CPOX: variants seen among roughly 807,000 people sequenced by gnomAD.
CPOX encodes oxygen-dependent coproporphyrinogen-III oxidase, mitochondrial.
Under a neutral mutation model 48.9 loss-of-function variants are expected in CPOX, and 24 were observed. The ratio of observed to expected loss-of-function variants is 0.49; its 90% CI spans 0.36 to 0.69. CPOX has a LOEUF of 0.69. CPOX is among the 30% of genes least tolerant of loss of function. The probability of loss-of-function intolerance (pLI) is 0.00; values close to 1 mark genes in which losing one functional copy is unlikely to be tolerated. For synonymous variants in CPOX, 249 were observed against 234.6 expected, an observed-to-expected ratio of 1.06 and a Z score of -0.56; for missense variants, 549 against 597.3, an observed-to-expected ratio of 0.92 and a Z score of 0.84.
At chr3:98,570,734 T>C in the CPOX span, among the ~76,000 whole-genome samples, 1 of 152,216 alleles carries the variant, frequency 6.6e-6, no homozygotes, top group African/African-American at 2.4e-5. Context: ...CCTATTAATA[T>C]ATTGAAATGT....
the CPOX span, among the ~76,000 whole-genome samples, chr3:98,570,740 A>G: frequency 1.4e-3 from 209 of 152,360 alleles, no homozygotes; most frequent in African/African-American, 4.8e-3. Context: ...AATATATTGA[A>G]ATGTTGAAAT....
chr3:98,581,581 A>T (rs1465679608), intron 5 of CPOX, 70 bp from the exon 6 acceptor site: 1 of 1,258,422 alleles, frequency 7.9e-7, no homozygotes. Context: ...CATAACAAAT[A>T]CTTAAAAAGG....
In CPOX at chr3:98,591,067, TGAAAGATTTCCATGAACAAC is replaced by T; in HGVS notation, c.625_644del (p.Val209ArgfsTer17). The T allele has an allele frequency of 6.2e-7, 1 of 1,614,176 alleles. No homozygotes were observed. The highest frequency in any genetic ancestry group is 8.5e-7 in the Non-Finnish European group (1 of 1,180,004). On this transcript the variant is annotated frameshift_variant, in exon 2 of 7. Transcript: ENST00000647941. LOFTEE classifies it high-confidence loss of function. ...TTCTCATTTGTTTTGCAGCTTCCTC[TGAAAGATTTCCATGAACAAC>T]AGAAATGCTCACCCCAGCCTTTTCG...
chr3:98,589,695 T>G (rs1459714063), intron 3 of CPOX: 1 of 152,240 alleles, frequency 6.6e-6, no homozygotes, highest in Non-Finnish European at 1.5e-5. Flanking sequence ...TGCTCACAGG[T>G]CCATGAGTTG....
At chr3:98,581,714 T>C (rs1179416882) in intron 5 of CPOX, among the ~76,000 whole-genome samples, 1 of 152,044 alleles carries the variant, frequency 6.6e-6, no homozygotes, top group Non-Finnish European at 1.5e-5. Context: ...CACCAAACAA[T>C]AGAATATAGA....
At chr3:98,590,453 TCTTA>T (rs1399061579) in intron 3 of CPOX, 175 bp downstream of exon 3, 1 of 661,926 alleles carries the variant, frequency 1.5e-6, no homozygotes, top group African/African-American at 1.8e-5. Flanking sequence ...CTGGCCCCAT[TCTTA>T]CTTGTCATGT....
intron 1 of CPOX, among the ~76,000 whole-genome samples, chr3:98,592,609 A>G (rs562202619): frequency 2.2e-4 from 34 of 152,234 alleles, no homozygotes; most frequent in African/African-American, 7.5e-4. Flanking sequence ...GTGTTCCATA[A>G]TCTATTGAAA....
chr3:98,572,192 A>T, the CPOX span, among the ~76,000 whole-genome samples: 3 of 152,004 alleles, frequency 2.0e-5, no homozygotes, highest in African/African-American at 7.3e-5. Context: ...TAGCTCCTGG[A>T]TTTTTTTCTC....
At chr3:98,580,860 G>GA in intron 6 of CPOX, 90 bp from the exon 7 acceptor site, 3 of 1,205,342 alleles carry the variant, frequency 2.5e-6, no homozygotes, top group Admixed American at 5.3e-5. Context: ...AAAATCCTAA[G>GA]AATAAAAAAA....
In CPOX at chr3:98,593,427, G is replaced by T; in HGVS notation, c.78C>A (p.Ala26=). The T allele has an allele frequency of 6.8e-7, 1 of 1,477,326 alleles. No individual in the cohort carries two copies. Among genetic ancestry groups the T allele is most frequent in the Non-Finnish European group, 8.9e-7 (1 of 1,121,064 alleles). The allele number at this position is 1,477,326 out of a possible 1,614,324, so 91.5% of individuals were successfully genotyped here. ...VARGGCGGPR[A]WSQCGGGGLR... ...GCCCTCCGCCGCCGCACTGGGACCAGGCGCGGGGCCCTCCGCAGCCGCCCC... is the reference window on the plus strand; with the variant it reads ...GCCCTCCGCCGCCGCACTGGGACCATGCGCGGGGCCCTCCGCAGCCGCCCC... Residue 26 remains alanine, a synonymous_variant, in exon 1 of 7, where the codon GCC becomes GCA. Transcript: ENST00000647941.
At chr3:98,589,214 G>A (rs567287743) in intron 3 of CPOX, among the ~76,000 whole-genome samples, 209 of 152,244 alleles carry the variant, frequency 1.4e-3, no homozygotes, top group African/African-American at 4.7e-3. Context: ...AGCTACTCGG[G>A]AGGCTGAGGC....
Position 98,579,958 on chromosome 3 carries a change from C to T in CPOX, c.*725G>A, listed in dbSNP as rs1707220261. On this transcript the variant is annotated 3_prime_UTR_variant, in exon 7 of 7. Coordinates refer to ENST00000647941, the MANE Select transcript of CPOX (RefSeq NM_000097.7). ...CAGAATTCAGGGATATAAGCTTTCA[C>T]ATTCAAAAGTGCAGAGAATCCCAAC... 4.1e-6 allele frequency: 4 copies of T among 985,666 alleles called. No homozygotes were observed. Among genetic ancestry groups the T allele is most frequent in the Admixed American group, 1.2e-4 (2 of 16,264 alleles). The allele number at this position is 985,666 out of a possible 1,614,324, so 61.1% of individuals were successfully genotyped here. A position where few individuals can be genotyped will look rare whatever the true frequency, so the allele number is the denominator to read the frequency against.
chr3:98,577,051 G>A (rs1029444764), downstream of CPOX, among the ~76,000 whole-genome samples: 3 of 152,040 alleles, frequency 2.0e-5, no homozygotes, highest in Non-Finnish European at 2.9e-5. Context: ...GTTTCTTGAA[G>A]AAGATTTAAA....
the CPOX span, among the ~76,000 whole-genome samples, chr3:98,572,379 T>A: frequency 1.3e-5 from 2 of 152,326 alleles, no homozygotes; most frequent in South Asian, 4.1e-4. Flanking sequence ...ATAGCTATCA[T>A]TTTTTACTTT....
chr3:98,574,419 G>A, the CPOX span, among the ~76,000 whole-genome samples: 64 of 152,134 alleles, frequency 4.2e-4, no homozygotes, highest in Non-Finnish European at 6.5e-4. Context: ...ATGAAGAGTC[G>A]GGGTGGGTGG....
chr3:98,583,332 AG>A, intron 5 of CPOX, among the ~76,000 whole-genome samples: 1 of 152,316 alleles, frequency 6.6e-6, no homozygotes, highest in South Asian at 2.1e-4. Context: ...TGCATTAATA[AG>A]CAGTCATATA....
rs1707223988 is a variant in CPOX, at chr3:98,580,056, T to C, written c.*627A>G. On this transcript the variant is annotated 3_prime_UTR_variant, in exon 7 of 7. Coordinates refer to ENST00000647941, the MANE Select transcript of CPOX (RefSeq NM_000097.7). ...CTCTAAAATAATAGTAATGTCACTTTAGAGTTTACAAACTACAGAAATAAC... is the reference window on the plus strand; with the variant it reads ...CTCTAAAATAATAGTAATGTCACTTCAGAGTTTACAAACTACAGAAATAAC... 4.1e-6 allele frequency: 4 copies of C among 982,526 alleles called. No homozygotes were observed. In the South Asian group the frequency reaches 1.9e-4, roughly 46 times the overall value. The allele number at this position is 982,526 out of a possible 1,614,324, so 60.9% of individuals were successfully genotyped here.
chr3:98,577,328 G>A (rs1211537515), downstream of CPOX, among the ~76,000 whole-genome samples: 1 of 152,158 alleles, frequency 6.6e-6, no homozygotes, highest in African/African-American at 2.4e-5. Context: ...CAGCAGGGTG[G>A]TGATAATGGG....
At chr3:98,582,453 T>C (rs1288884119) in intron 5 of CPOX, among the ~76,000 whole-genome samples, 4 of 152,160 alleles carry the variant, frequency 2.6e-5, no homozygotes, top group Non-Finnish European at 2.9e-5. Context: ...TGCCCATCTA[T>C]AGCAAAATAT....
Sources: gnomAD v4.1 joint callset for allele counts (sites outside exome capture counted in the v4.1 genomes callset) on GRCh38, gnomAD v4.1.1 for gene constraint, MANE v1.5 for transcripts, NCBI Gene and HGNC (gene_info 2026-07-23, HGNC 2026-07-21) for gene names.